The following EYS variants were observed in gnomAD, a reference collection of about 807,000 sequenced individuals.
EYS encodes the protein EGF-like photoreceptor maintenance factor.
In EYS, 250 loss-of-function variants were observed where a neutral mutation model predicts 282.1. The ratio of observed to expected loss-of-function variants is 0.89; its 90% confidence interval spans 0.80 to 0.98. EYS has a LOEUF of 0.98. Among genes scored for constraint, EYS ranks in the 50% least tolerant of loss-of-function variants. The pLI is 0.00. For missense variants in EYS, 4,016 were observed against 3,709.0 expected (o/e 1.08, Z -2.15); for synonymous variants, 1,355 against 1,282.9 (o/e 1.06, Z -1.20).
intron 15 of EYS, among the ~76,000 whole-genome samples, chr6:64,924,008 G>A (rs1363311400): frequency 6.6e-6 from 1 of 152,170 alleles, no homozygotes; most frequent in Non-Finnish European, 1.5e-5. Context: ...ACTAGGTGGT[G>A]CCCCAGTAGG....
At chr6:65,245,315 T>C (rs1179921691) in intron 12 of EYS, among the ~76,000 whole-genome samples, 1 of 152,202 alleles carries the variant, frequency 6.6e-6, no homozygotes, top group African/African-American at 2.4e-5. Flanking sequence ...ACACTGATTT[T>C]CTCTACAGAT....
chr6:65,481,722 G>T (rs938142503), intron 5 of EYS, among the ~76,000 whole-genome samples: 4 of 151,922 alleles, frequency 2.6e-5, no homozygotes, highest in African/African-American at 9.7e-5. Context: ...CTAATTTTTT[G>T]TATTTTTATT....
intron 30 of EYS, among the ~76,000 whole-genome samples, chr6:64,280,804 T>C (rs370242524): frequency 6.6e-6 from 1 of 152,296 alleles, no homozygotes; most frequent in African/African-American, 2.4e-5. Flanking sequence ...GTTTGGTTTA[T>C]TGATGAAGGC....
At chr6:64,636,739 A>G (rs1266595985) in intron 22 of EYS, among the ~76,000 whole-genome samples, 1 of 151,858 alleles carries the variant, frequency 6.6e-6, no homozygotes, top group African/African-American at 2.4e-5. Flanking sequence ...AAACAAATTG[A>G]CAAGAAAAAG....
At position 63,901,082 on chromosome 6, in the gene EYS, CA is replaced by C. The variant is rs531675706; in HGVS notation, c.7056-36725del. Among the ~76,000 whole-genome samples, 3 of 152,234 alleles carry C rather than the reference CA, an allele frequency of 2.0e-5. No homozygotes were observed. The South Asian group carries it at 6.2e-4, about 32-fold the overall frequency. ...GTCCTCAGATATTAGATATAGCATA[CA>C]AACAGTCAAAAGCAGCTGTTATAAG... On this transcript the variant is annotated intron_variant, in intron 35 of 42. Coordinates refer to ENST00000503581, the MANE Select transcript of EYS (RefSeq NM_001142800.2).
chr6:64,906,054 C>CA (rs542721033), intron 16 of EYS, among the ~76,000 whole-genome samples: 1 of 150,294 alleles, frequency 6.7e-6, no homozygotes, highest in Non-Finnish European at 1.5e-5. Context: ...AAAAAGAAAA[C>CA]AAAAAAACAC....
At chr6:64,439,407 G>A in intron 26 of EYS, 55 bp from the exon 27 acceptor site, 2 of 1,174,136 alleles carry the variant, frequency 1.7e-6, no homozygotes, top group Non-Finnish European at 2.3e-6. Flanking sequence ...TCAATACCTA[G>A]GTTTCACATT....
At chr6:64,199,182 T>C (rs770752244) in intron 31 of EYS, among the ~76,000 whole-genome samples, 1 of 152,168 alleles carries the variant, frequency 6.6e-6, no homozygotes, top group Non-Finnish European at 1.5e-5. Flanking sequence ...GACTTCAAAC[T>C]ATACTACAAG....
chr6:64,851,098 G>C, intron 19 of EYS, among the ~76,000 whole-genome samples: 1 of 152,060 alleles, frequency 6.6e-6, no homozygotes, highest in Non-Finnish European at 1.5e-5. Context: ...TTAGAGTGGA[G>C]CAGAAACTTG....
intron 14 of EYS, among the ~76,000 whole-genome samples, chr6:64,955,202 CA>C (rs113187061): frequency 0.28 from 40,696 of 146,546 alleles, 5,751 homozygotes; most frequent in East Asian, 0.38. Flanking sequence ...AAACAACCAA[CA>C]AAAAAAAAAT....
intron 13 of EYS, among the ~76,000 whole-genome samples, chr6:65,056,382 T>C (rs1162825704): frequency 1.3e-5 from 2 of 152,030 alleles, no homozygotes; most frequent in Non-Finnish European, 2.9e-5. Context: ...AGCTATTTTT[T>C]AAATGAAGTC....
chr6:63,924,989 A>T (rs1416972504), intron 35 of EYS, among the ~76,000 whole-genome samples: 1 of 152,238 alleles, frequency 6.6e-6, no homozygotes, highest in Non-Finnish European at 1.5e-5. Flanking sequence ...ACCTAAGCAC[A>T]TAAAACAAGC....
intron 5 of EYS, among the ~76,000 whole-genome samples, chr6:65,422,624 G>C (rs1440251966): frequency 6.6e-6 from 1 of 151,800 alleles, no homozygotes; most frequent in Non-Finnish European, 1.5e-5. Context: ...CTAATTGCCA[G>C]AGTGGCTGAA....
intron 29 of EYS, among the ~76,000 whole-genome samples, chr6:64,351,186 GA>G (rs1561945826): frequency 6.6e-6 from 1 of 151,430 alleles, no homozygotes; most frequent in African/African-American, 2.4e-5. Context: ...TGAAGATTGA[GA>G]TACTGGTATA....
chr6:64,335,504 C>T (rs1436836013), intron 29 of EYS, among the ~76,000 whole-genome samples: 3 of 152,098 alleles, frequency 2.0e-5, no homozygotes, highest in Non-Finnish European at 4.4e-5. Flanking sequence ...CTGTAACTCG[C>T]TTCCTGTCTC....
At chr6:64,966,848 G>T (rs1471063929) in intron 14 of EYS, among the ~76,000 whole-genome samples, 1 of 151,960 alleles carries the variant, frequency 6.6e-6, no homozygotes, top group South Asian at 2.1e-4. Flanking sequence ...ACCATATAAA[G>T]TAACTTTCAC....
intron 12 of EYS, among the ~76,000 whole-genome samples, chr6:65,261,427 G>T (rs1431773885): frequency 6.6e-6 from 1 of 151,874 alleles, no homozygotes; most frequent in East Asian, 1.9e-4. Flanking sequence ...CTCCTCTGTT[G>T]TTAAGCAGCA....
At chr6:63,736,135 G>C (rs915081230) in intron 41 of EYS, among the ~76,000 whole-genome samples, 1 of 152,110 alleles carries the variant, frequency 6.6e-6, no homozygotes, top group Non-Finnish European at 1.5e-5. Context: ...ATTGCTTTTG[G>C]TGTTTTAGAC....
At chr6:64,444,581 C>T (rs141291924) in intron 26 of EYS, among the ~76,000 whole-genome samples, 1 of 152,102 alleles carries the variant, frequency 6.6e-6, no homozygotes, top group Admixed American at 6.5e-5. Context: ...TTGTAAAGTA[C>T]TTGAGAGTAT....
Sources: allele counts gnomAD v4.1 joint callset (sites outside exome capture counted in the v4.1 genomes callset), GRCh38; gene constraint gnomAD v4.1.1; transcripts MANE v1.5; gene names NCBI Gene and HGNC (gene_info 2026-07-23, HGNC 2026-07-21).